KCNIP4: variants seen among roughly 807,000 people sequenced by gnomAD.
KCNIP4 encodes Kv channel-interacting protein 4.
Under a neutral mutation model 34.0 loss-of-function variants are expected in KCNIP4, and 12 were observed. The ratio of observed to expected loss-of-function variants is 0.35; its 90% CI spans 0.23 to 0.57. KCNIP4 has a LOEUF of 0.57. Among genes scored for constraint, KCNIP4 ranks in the 20% least tolerant of loss-of-function variants. The pLI, the probability that KCNIP4 is intolerant of heterozygous loss-of-function variation, is 0.83. For synonymous variants in KCNIP4, 124 were observed against 102.2 expected (o/e 1.21, Z -1.29); for missense variants, 238 against 311.7 (o/e 0.76, Z 1.78).
chr4:20,806,180 T>C (rs1163931797), intron 3 of KCNIP4, among the ~76,000 whole-genome samples: 1 of 152,124 alleles, frequency 6.6e-6, no homozygotes, highest in African/African-American at 2.4e-5. Context: ...CTTTGTTTTG[T>C]TGCCTTTTAA....
chr4:21,403,193 A>G (rs904448696), intron 1 of KCNIP4, among the ~76,000 whole-genome samples: 2 of 152,222 alleles, frequency 1.3e-5, no homozygotes, highest in Admixed American at 6.5e-5. Flanking sequence ...CTCAGTCTCC[A>G]TTATTTATTA....
chr4:20,800,980 C>T (rs761765600), intron 3 of KCNIP4, among the ~76,000 whole-genome samples: 1 of 152,048 alleles, frequency 6.6e-6, no homozygotes, highest in Non-Finnish European at 1.5e-5. Flanking sequence ...CTCAAAGGCA[C>T]ATTATAGTAA....
At chr4:21,570,400 T>C (rs1740270498) in intron 1 of KCNIP4, among the ~76,000 whole-genome samples, 1 of 152,120 alleles carries the variant, frequency 6.6e-6, no homozygotes, top group Non-Finnish European at 1.5e-5. Flanking sequence ...TAATGGTGAT[T>C]CCCTGATGTA....
intron 1 of KCNIP4, among the ~76,000 whole-genome samples, chr4:21,084,821 AT>A (rs1445730972): frequency 6.6e-6 from 1 of 151,272 alleles, no homozygotes; most frequent in Non-Finnish European, 1.5e-5. Context: ...TTCTCAACAC[AT>A]GTTTTCTTGA....
intron 1 of KCNIP4, among the ~76,000 whole-genome samples, chr4:21,331,589 A>G (rs531366494): frequency 1.7e-4 from 26 of 152,220 alleles, no homozygotes; most frequent in African/African-American, 6.3e-4. Context: ...CATTCATTCA[A>G]CAGATATTTA....
chr4:21,276,150 G>C (rs746069126), intron 1 of KCNIP4, among the ~76,000 whole-genome samples: 14 of 152,166 alleles, frequency 9.2e-5, no homozygotes, highest in Admixed American at 2.0e-4. Context: ...TAGGAAAATA[G>C]TAGCTTTTAT....
At chr4:21,459,031 A>G (rs936875564) in intron 1 of KCNIP4, among the ~76,000 whole-genome samples, 5 of 152,036 alleles carry the variant, frequency 3.3e-5, no homozygotes, top group Non-Finnish European at 1.5e-5. Flanking sequence ...TTTTTAATCA[A>G]TATATAAAAA....
At chr4:21,336,216 C>T (rs1313612910) in intron 1 of KCNIP4, among the ~76,000 whole-genome samples, 1 of 151,784 alleles carries the variant, frequency 6.6e-6, no homozygotes, top group Non-Finnish European at 1.5e-5. Context: ...TTTTAATAAA[C>T]CACAATTATT....
At chr4:21,751,862 C>T (rs1717171313) in intron 1 of KCNIP4, among the ~76,000 whole-genome samples, 1 of 152,090 alleles carries the variant, frequency 6.6e-6, no homozygotes, top group Non-Finnish European at 1.5e-5. Context: ...TAATTATGTG[C>T]ATAGCCACAA....
At chr4:21,476,249 G>A (rs1730960923) in intron 1 of KCNIP4, among the ~76,000 whole-genome samples, 1 of 150,420 alleles carries the variant, frequency 6.6e-6, no homozygotes. Flanking sequence ...TATCTATTGA[G>A]TTTTTCATTA....
intron 1 of KCNIP4, among the ~76,000 whole-genome samples, chr4:21,303,623 A>G (rs1027737819): frequency 7.9e-5 from 12 of 152,200 alleles, no homozygotes; most frequent in African/African-American, 2.9e-4. Flanking sequence ...TTGTGAAAAC[A>G]TTACTGCAAC....
chr4:21,902,961 G>C (rs1727791746), intron 1 of KCNIP4, among the ~76,000 whole-genome samples: 1 of 152,078 alleles, frequency 6.6e-6, no homozygotes, highest in Non-Finnish European at 1.5e-5. Flanking sequence ...GTCCTAGGTA[G>C]CAGGAATTGG....
At chr4:21,073,581 A>T (rs191880091) in intron 1 of KCNIP4, among the ~76,000 whole-genome samples, 2 of 152,214 alleles carry the variant, frequency 1.3e-5, no homozygotes, top group African/African-American at 4.8e-5. Context: ...GTCATCTGCA[A>T]ACAGGGACAA....
chr4:21,340,949 A>G (rs1252315427), intron 1 of KCNIP4, among the ~76,000 whole-genome samples: 2 of 152,166 alleles, frequency 1.3e-5, no homozygotes, highest in African/African-American at 4.8e-5. Context: ...GGAACCTCAG[A>G]ATGTGACCTT....
intron 1 of KCNIP4, among the ~76,000 whole-genome samples, chr4:21,516,805 T>C (rs1267397060): frequency 6.6e-6 from 1 of 152,128 alleles, no homozygotes; most frequent in Non-Finnish European, 1.5e-5. Flanking sequence ...GGTTTAGGAA[T>C]GTGAAGTTGT....
chr4:21,014,451 C>T (rs1160071716), intron 1 of KCNIP4, among the ~76,000 whole-genome samples: 1 of 152,174 alleles, frequency 6.6e-6, no homozygotes, highest in Non-Finnish European at 1.5e-5. Flanking sequence ...TACCCCTATG[C>T]CTGAATCACA....
At chr4:20,754,530 T>C (rs1467501272) in intron 4 of KCNIP4, among the ~76,000 whole-genome samples, 1 of 152,228 alleles carries the variant, frequency 6.6e-6, no homozygotes, top group South Asian at 2.1e-4. Context: ...TCTGGCCTTA[T>C]GTAAGAAACA....
chr4:21,089,327 T>C (rs182283536), intron 1 of KCNIP4, among the ~76,000 whole-genome samples: 79 of 152,324 alleles, frequency 5.2e-4, no homozygotes, highest in Non-Finnish European at 1.2e-4. Context: ...GTGTAAGATG[T>C]GTCTGCTTCT....
chr4:21,540,958 G>A (rs1230093971), intron 1 of KCNIP4, among the ~76,000 whole-genome samples: 4 of 151,938 alleles, frequency 2.6e-5, no homozygotes, highest in South Asian at 2.1e-4. Context: ...ATCACCTGAG[G>A]TCAGGGGTTT....
Sources: gnomAD v4.1 joint callset for allele counts (sites outside exome capture counted in the v4.1 genomes callset) on GRCh38, gnomAD v4.1.1 for gene constraint, MANE v1.5 for transcripts, NCBI Gene and HGNC (gene_info 2026-07-23, HGNC 2026-07-21) for gene names.